The following ALK variants were observed in gnomAD, a reference collection of about 807,000 sequenced individuals.
ALK encodes the protein ALK tyrosine kinase receptor.
A neutral mutation model predicts 163.1 loss-of-function variants in ALK; 74 were observed. The observed-to-expected ratio is 0.45, with a 90% CI of 0.38 to 0.55. The LOEUF is 0.55. Ranked by LOEUF, ALK falls within the 20% of genes least tolerant of loss-of-function variation. ALK has a pLI of 0.00. For missense variants in ALK, 2,063 were observed against 2,105.3 expected (o/e 0.98, Z 0.39); for synonymous variants, 960 against 843.2 (o/e 1.14, Z -2.40).
At chr2:29,426,867 A>G (rs1180853223) in intron 4 of ALK, among the ~76,000 whole-genome samples, 12 of 151,744 alleles carry the variant, frequency 7.9e-5, no homozygotes, top group Non-Finnish European at 1.8e-4. Flanking sequence ...GTAAAACCCT[A>G]TCTCTACTAA....
intron 3 of ALK, among the ~76,000 whole-genome samples, chr2:29,615,422 G>A (rs1675814553): frequency 1.3e-5 from 2 of 152,168 alleles, no homozygotes; most frequent in Admixed American, 1.3e-4. Context: ...TAACCTGTCT[G>A]TGCTGTGGTT....
intron 1 of ALK, among the ~76,000 whole-genome samples, chr2:29,829,339 G>A (rs1469996736): frequency 1.3e-5 from 2 of 151,154 alleles, no homozygotes; most frequent in Non-Finnish European, 2.9e-5. Context: ...GAAAGATGAA[G>A]ATGGTTAAAC....
chr2:29,501,101 C>T (rs1672163132), intron 4 of ALK, among the ~76,000 whole-genome samples: 1 of 152,150 alleles, frequency 6.6e-6, no homozygotes, highest in Admixed American at 6.5e-5. Context: ...ACCTCTGATG[C>T]ATGGGGAGAA....
intron 4 of ALK, among the ~76,000 whole-genome samples, chr2:29,395,029 G>T (rs1188474361): frequency 2.6e-5 from 4 of 152,150 alleles, no homozygotes; most frequent in Non-Finnish European, 4.4e-5. Flanking sequence ...CATTCATCCA[G>T]GGCCCCCACT....
intron 1 of ALK, among the ~76,000 whole-genome samples, chr2:29,724,940 G>C (rs982716125): frequency 6.6e-6 from 1 of 151,918 alleles, no homozygotes; most frequent in African/African-American, 2.4e-5. Flanking sequence ...ATATTCTTTT[G>C]TACTGTCAAA....
At chr2:29,217,221 A>G (rs573405242) in intron 23 of ALK, among the ~76,000 whole-genome samples, 82 of 147,130 alleles carry the variant, frequency 5.6e-4, no homozygotes, top group African/African-American at 2.0e-3. Context: ...CATGTTGCAT[A>G]GATGTGTTTT....
chr2:29,315,500 A>G (rs542565745), intron 8 of ALK, among the ~76,000 whole-genome samples: 1 of 152,280 alleles, frequency 6.6e-6, no homozygotes, highest in African/African-American at 2.4e-5. Flanking sequence ...AACTCTCTGC[A>G]TGGGCTCAGA....
At chr2:29,462,419 T>C (rs1385923732) in intron 4 of ALK, among the ~76,000 whole-genome samples, 1 of 152,110 alleles carries the variant, frequency 6.6e-6, no homozygotes, top group Non-Finnish European at 1.5e-5. Context: ...ATTTTTAAAA[T>C]TGCCACAGCC....
At chr2:29,820,958 G>A (rs778735841) in intron 1 of ALK, among the ~76,000 whole-genome samples, 1 of 152,162 alleles carries the variant, frequency 6.6e-6, no homozygotes, top group Non-Finnish European at 1.5e-5. Context: ...TGTTCTCAGG[G>A]GTTGGGGGTA....
chr2:29,560,194 T>A (rs1673981553), intron 3 of ALK, among the ~76,000 whole-genome samples: 1 of 152,262 alleles, frequency 6.6e-6, no homozygotes, highest in East Asian at 1.9e-4. Context: ...AGAGTGGAAA[T>A]AACTCAAATG....
intron 3 of ALK, among the ~76,000 whole-genome samples, chr2:29,557,885 G>A (rs1014350453): frequency 3.9e-5 from 6 of 152,148 alleles, no homozygotes; most frequent in Non-Finnish European, 8.8e-5. Context: ...TGACTCCAGA[G>A]AGTCTAAGCT....
intron 3 of ALK, among the ~76,000 whole-genome samples, chr2:29,597,718 C>T (rs1478488559): frequency 1.3e-5 from 2 of 152,172 alleles, no homozygotes; most frequent in Non-Finnish European, 2.9e-5. Context: ...TGTACAGCTG[C>T]TTAGCTGGAG....
intron 4 of ALK, among the ~76,000 whole-genome samples, chr2:29,440,318 ATTT>A (rs1553315937): frequency 2.4e-5 from 2 of 83,164 alleles, no homozygotes; most frequent in East Asian, 2.8e-4. Flanking sequence ...TGATGAATCA[ATTT>A]TTTTTTTTTT....
chr2:29,427,871 G>T (rs1178657886), intron 4 of ALK, among the ~76,000 whole-genome samples: 1 of 151,984 alleles, frequency 6.6e-6, no homozygotes, highest in Non-Finnish European at 1.5e-5. Flanking sequence ...TAGACCATAC[G>T]CTAGGTCACA....
At chr2:29,283,610 A>G (rs925131637) in intron 9 of ALK, among the ~76,000 whole-genome samples, 4 of 152,048 alleles carry the variant, frequency 2.6e-5, no homozygotes, top group Admixed American at 1.3e-4. Context: ...GGTGAGGACT[A>G]GTTTCAAAAA....
At chr2:29,206,728 T>C (rs966237025) in intron 26 of ALK, among the ~76,000 whole-genome samples, 2 of 151,824 alleles carry the variant, frequency 1.3e-5, no homozygotes, top group Non-Finnish European at 2.9e-5. Flanking sequence ...AATTTTGTCA[T>C]TGTTGTGTTC....
chr2:29,888,557 G>C (rs922646633), intron 1 of ALK, among the ~76,000 whole-genome samples: 2 of 152,100 alleles, frequency 1.3e-5, no homozygotes, highest in African/African-American at 4.8e-5. Context: ...ACCAGCTTCC[G>C]AACTCAGAGG....
At chr2:29,392,585 G>A (rs1012935495) in intron 4 of ALK, among the ~76,000 whole-genome samples, 1 of 152,174 alleles carries the variant, frequency 6.6e-6, no homozygotes, top group Non-Finnish European at 1.5e-5. Flanking sequence ...GTTGGGGGCT[G>A]ATGTCCACCC....
chr2:29,809,532 T>C (rs1664699784), intron 1 of ALK, among the ~76,000 whole-genome samples: 1 of 152,226 alleles, frequency 6.6e-6, no homozygotes, highest in South Asian at 2.1e-4. Context: ...CTTACTACTT[T>C]TATCTCCGTG....
Sources: gnomAD v4.1 joint callset for allele counts (sites outside exome capture counted in the v4.1 genomes callset) on GRCh38, gnomAD v4.1.1 for gene constraint, MANE v1.5 for transcripts, NCBI Gene and HGNC (gene_info 2026-07-23, HGNC 2026-07-21) for gene names.